The following NBDY variants were observed in gnomAD, a reference collection of about 807,000 sequenced individuals.
NBDY encodes negative regulator of P-body association, also known as P-body dissociating protein.
intron 2 of NBDY, among the ~76,000 whole-genome samples, chrX:56,760,379 A>G (rs1247872884): frequency 1.1e-5 from 1 of 90,849 alleles, no homozygotes; most frequent in African/African-American, 3.3e-5. Context: ...ACCAAACAAA[A>G]CAAAGACCAG....
chrX:56,764,973 T>A (rs1225016154), intron 2 of NBDY, among the ~76,000 whole-genome samples: 2 of 112,622 alleles, frequency 1.8e-5, no homozygotes, highest in Non-Finnish European at 3.8e-5. Context: ...CAGCTGTCCA[T>A]CTGAGGCACT....
At chrX:56,807,628 G>T (rs2069859406) in intron 2 of NBDY, among the ~76,000 whole-genome samples, 1 of 111,650 alleles carries the variant, frequency 9.0e-6, no homozygotes, top group African/African-American at 3.3e-5. Flanking sequence ...TCTGTTCTTG[G>T]GGTATAGGAA....
intron 2 of NBDY, among the ~76,000 whole-genome samples, chrX:56,790,976 A>C (rs1206662601): frequency 8.9e-6 from 1 of 112,180 alleles, no homozygotes; most frequent in Non-Finnish European, 1.9e-5. Flanking sequence ...ATGTGGTGCA[A>C]ACCCAGTCTT....
intron 2 of NBDY, among the ~76,000 whole-genome samples, chrX:56,763,484 A>G (rs1018589761): frequency 8.9e-6 from 1 of 111,830 alleles, no homozygotes; most frequent in African/African-American, 3.3e-5. Flanking sequence ...AAGGCGGTAA[A>G]CTCTACCTGG....
chrX:56,813,535 C>T (rs1252877159), intron 2 of NBDY, among the ~76,000 whole-genome samples: 1 of 111,401 alleles, frequency 9.0e-6, no homozygotes, highest in Non-Finnish European at 1.9e-5. Context: ...CACAAACACA[C>T]AAGCAGAGAA....
At chrX:56,730,076 T>C (rs1218821285) in intron 1 of NBDY, among the ~76,000 whole-genome samples, 9 of 110,565 alleles carry the variant, frequency 8.1e-5, no homozygotes, top group African/African-American at 3.0e-4. Flanking sequence ...TTTCTCTGTG[T>C]AAGGCAGGAG....
chrX:56,804,729 A>T (rs1035267862), intron 2 of NBDY, among the ~76,000 whole-genome samples: 11 of 111,662 alleles, frequency 9.9e-5, no homozygotes, highest in African/African-American at 1.6e-4. Context: ...CAGCCTGGAA[A>T]ATGGATGAGA....
intron 2 of NBDY, among the ~76,000 whole-genome samples, chrX:56,767,016 C>T (rs2069669411): frequency 8.9e-6 from 1 of 112,911 alleles, no homozygotes; most frequent in Admixed American, 9.3e-5. Flanking sequence ...TGTGCCATCC[C>T]AAGGTGGTAA....
intron 1 of NBDY, among the ~76,000 whole-genome samples, chrX:56,731,523 A>T (rs1355033915): frequency 9.1e-6 from 1 of 110,447 alleles, no homozygotes; most frequent in Non-Finnish European, 1.9e-5. Flanking sequence ...GTGAGCCGAG[A>T]TCATGCCACT....
At chrX:56,767,207 G>A in intron 2 of NBDY, among the ~76,000 whole-genome samples, 1 of 113,575 alleles carries the variant, frequency 8.8e-6, no homozygotes, top group East Asian at 2.8e-4. Flanking sequence ...ACCAGCGAAA[G>A]CGATGAAACC....
At chrX:56,797,812 C>T (rs1387040908) in intron 2 of NBDY, among the ~76,000 whole-genome samples, 1 of 111,751 alleles carries the variant, frequency 8.9e-6, no homozygotes. Context: ...ACCACAGACA[C>T]AGAACACATG....
chrX:56,792,068 G>C (rs1360867612), intron 2 of NBDY, among the ~76,000 whole-genome samples: 1 of 109,185 alleles, frequency 9.2e-6, no homozygotes, highest in Non-Finnish European at 1.9e-5. Context: ...AGTGTTCTAG[G>C]AGACTGCTTC....
intron 2 of NBDY, among the ~76,000 whole-genome samples, chrX:56,761,799 C>T (rs1480653727): frequency 8.9e-5 from 10 of 112,267 alleles, no homozygotes; most frequent in African/African-American, 2.3e-4. Flanking sequence ...CAGATGTAAT[C>T]GGGGTGCCCC....
In NBDY at chrX:56,765,750, C is replaced by T. The variant is rs1320260399; in HGVS notation, c.*166+33551C>T. On this transcript the variant is annotated intron_variant, in intron 2 of 2. Coordinates refer to ENST00000374922, the MANE Select transcript of NBDY (RefSeq NM_001348129.2). ...AACTCCTTCTTATCTTCCTACTCCT[C>T]CTTTTTCTTTTTCTTCTTTTTCCTC... Among the ~76,000 whole-genome samples the T allele has an allele frequency of 1.4e-4, 16 of 111,082 alleles. No individual in the cohort carries two copies. The Admixed American group carries it at 1.5e-3, about 11-fold the overall frequency.
intron 2 of NBDY, among the ~76,000 whole-genome samples, chrX:56,797,265 CTCTCCTTCTTTTCTATT>C (rs1415874358): frequency 2.9e-5 from 3 of 102,609 alleles, no homozygotes; most frequent in Non-Finnish European, 5.9e-5. Flanking sequence ...CTTTTTCTTT[CTCTCCTTCTTTTCTATT>C]TCTCCTTCTA....
In NBDY at chrX:56,761,386, G is replaced by A. The variant is rs781746545; in HGVS notation, c.*166+29187G>A. Among the ~76,000 whole-genome samples, 22 of 112,922 alleles carry A rather than the reference G, an allele frequency of 1.9e-4. No homozygotes were observed. In the South Asian group the frequency reaches 2.5e-3, roughly 13 times the overall value. On this transcript the variant is annotated intron_variant, in intron 2 of 2. Transcript: ENST00000374922. Reference sequence around the variant, plus strand: ...GCTGGCGGAGGGTGCGGGATGTGTTGGGGGTGGAGACAGCAGGGAGCAGGG... The same window carrying A: ...GCTGGCGGAGGGTGCGGGATGTGTTAGGGGTGGAGACAGCAGGGAGCAGGG...
chrX:56,812,770 C>T (rs769130102), intron 2 of NBDY, among the ~76,000 whole-genome samples: 2 of 111,599 alleles, frequency 1.8e-5, no homozygotes, highest in Non-Finnish European at 3.8e-5. Context: ...CACGAAGCTG[C>T]CACTTGTTGT....
chrX:56,785,683 T>G (rs1285604836), intron 2 of NBDY, among the ~76,000 whole-genome samples: 2 of 111,537 alleles, frequency 1.8e-5, no homozygotes, highest in Admixed American at 9.5e-5. Flanking sequence ...CGGTGCAGAC[T>G]CGGGCTTAAG....
intron 2 of NBDY, among the ~76,000 whole-genome samples, chrX:56,782,316 CCTT>C (rs926410904): frequency 2.7e-5 from 3 of 110,754 alleles, no homozygotes; most frequent in Admixed American, 1.9e-4. Context: ...TCCTCCTCCT[CCTT>C]CTTCTTTCCT....
Sources: gnomAD v4.1 joint callset for allele counts (sites outside exome capture counted in the v4.1 genomes callset) on GRCh38, gnomAD v4.1.1 for gene constraint, MANE v1.5 for transcripts, NCBI Gene and HGNC (gene_info 2026-07-23, HGNC 2026-07-21) for gene names.